PRKN: variants seen among roughly 807,000 people sequenced by gnomAD.
The protein encoded by PRKN is E3 ubiquitin-protein ligase parkin.
A neutral mutation model predicts 59.5 loss-of-function variants in PRKN; 56 were observed. The ratio of observed to expected loss-of-function variants is 0.94; its 90% CI spans 0.76 to 1.18. The LOEUF is 1.18. Ranked by LOEUF, PRKN falls within the 50% of genes most tolerant of loss-of-function variation. The pLI is 0.00. For missense variants in PRKN, 657 were observed against 596.4 expected (o/e 1.10, Z -1.06); for synonymous variants, 250 against 222.1 (o/e 1.13, Z -1.12).
At chr6:161,891,355 A>C (rs1040054125) in intron 6 of PRKN, among the ~76,000 whole-genome samples, 8 of 152,130 alleles carry the variant, frequency 5.3e-5, no homozygotes, top group Non-Finnish European at 1.2e-4. Flanking sequence ...TTTTTAATCT[A>C]AAAAGCACTT....
At chr6:161,435,324 T>G (rs986874800) in intron 9 of PRKN, among the ~76,000 whole-genome samples, 9 of 152,186 alleles carry the variant, frequency 5.9e-5, no homozygotes, top group African/African-American at 1.9e-4. Flanking sequence ...TGTACTCTAT[T>G]TTTATCAAGC....
At chr6:162,019,557 A>ATTAATG (rs1783055883) in intron 5 of PRKN, among the ~76,000 whole-genome samples, 1 of 152,130 alleles carries the variant, frequency 6.6e-6, no homozygotes. Context: ...GCTGATGTGT[A>ATTAATG]ATTAATCTGC....
chr6:162,286,313 C>T (rs1402315462), intron 2 of PRKN, among the ~76,000 whole-genome samples: 1 of 151,970 alleles, frequency 6.6e-6, no homozygotes, highest in East Asian at 1.9e-4. Context: ...TTTGTTTTTC[C>T]TAAATCTTTA....
chr6:162,562,035 C>G (rs1779865718), intron 1 of PRKN, among the ~76,000 whole-genome samples: 1 of 152,114 alleles, frequency 6.6e-6, no homozygotes, highest in East Asian at 1.9e-4. Context: ...AGAAAAGACC[C>G]CTTCCTTCCA....
intron 7 of PRKN, among the ~76,000 whole-genome samples, chr6:161,631,771 A>C (rs1783320119): frequency 1.5e-5 from 1 of 64,836 alleles, no homozygotes; most frequent in African/African-American, 9.3e-5. Flanking sequence ...ACACCCAGAC[A>C]AACACACACA....
At position 161,636,393 on chromosome 6, in the gene PRKN, G is replaced by A. The variant is rs368572809; in HGVS notation, c.872-66977C>T. 8.2e-4 allele frequency among the ~76,000 whole-genome samples: 125 copies of A among 152,338 alleles called. 1 individual carries two copies. In the South Asian group the frequency reaches 0.024, roughly 29 times the overall value. On this transcript the variant is annotated intron_variant, in intron 7 of 11. Transcript: ENST00000366898. ...CTCTCGCAAGGGGGCTGTCCATTCC[G>A]GAGACACTGGGCCGGACCTCTGTGG... is the stretch of plus-strand genomic sequence containing the variant.
In PRKN at chr6:161,530,817, C is replaced by A. The variant is rs189331257; in HGVS notation, c.1083+18037G>T. Reference sequence around the variant, plus strand: ...ACAGGCGTGAGCCACCACACCTGGCCCAAGGCTTGCTTCTTTTAAGAGAAA... The same window carrying A: ...ACAGGCGTGAGCCACCACACCTGGCACAAGGCTTGCTTCTTTTAAGAGAAA... On this transcript the variant is annotated intron_variant, in intron 9 of 11. Transcript: ENST00000366898. This position sits in a 1 kb window ranked among gnomAD's most constrained non-coding sequence, Gnocchi z 5.0. Among the ~76,000 whole-genome samples the A allele has an allele frequency of 2.2e-4, 33 of 152,172 alleles. No individual in the cohort carries two copies. Among genetic ancestry groups the A allele is most frequent in the African/African-American group, 7.0e-4 (29 of 41,542 alleles).
At chr6:161,625,064 C>G (rs1052396172) in intron 7 of PRKN, among the ~76,000 whole-genome samples, 9 of 152,104 alleles carry the variant, frequency 5.9e-5, no homozygotes, top group Non-Finnish European at 1.3e-4. Flanking sequence ...AAGTCCTATG[C>G]CCTTTTTAAA....
At chr6:162,383,565 C>A (rs1375859269) in intron 2 of PRKN, among the ~76,000 whole-genome samples, 1 of 152,074 alleles carries the variant, frequency 6.6e-6, no homozygotes, top group African/African-American at 2.4e-5. Context: ...AAAGCAAGGT[C>A]AGAGTAGATT....
At chr6:161,815,233 G>A (rs1791725850) in intron 6 of PRKN, among the ~76,000 whole-genome samples, 1 of 152,172 alleles carries the variant, frequency 6.6e-6, no homozygotes, top group Admixed American at 6.5e-5. Flanking sequence ...ATTTTCATAT[G>A]TATAAAATGA....
At position 161,399,978 on chromosome 6, in the gene PRKN, T is replaced by G. The variant is rs1562421550; in HGVS notation, c.1084-13101A>C. Among the ~76,000 whole-genome samples the G allele has an allele frequency of 6.6e-6, 1 of 152,202 alleles. No homozygotes were observed. Among genetic ancestry groups the G allele is most frequent in the Non-Finnish European group, 1.5e-5 (1 of 68,042 alleles). On this transcript the variant is annotated intron_variant, in intron 9 of 11. Transcript: ENST00000366898. This position sits in a 1 kb window ranked among gnomAD's most constrained non-coding sequence, Gnocchi z 4.4. ...CGATATAAAAATTGGTAATGAGTTATTTTATATTCATTTTTACTAAGCTTT... is the reference window on the plus strand; with the variant it reads ...CGATATAAAAATTGGTAATGAGTTAGTTTATATTCATTTTTACTAAGCTTT...
At chr6:161,648,048 G>C (rs1480734658) in intron 7 of PRKN, among the ~76,000 whole-genome samples, 1 of 152,186 alleles carries the variant, frequency 6.6e-6, no homozygotes, top group Non-Finnish European at 1.5e-5. Context: ...TGCACAGAAT[G>C]GGTAGAAATG....
At chr6:161,621,904 T>C (rs77323214) in intron 7 of PRKN, among the ~76,000 whole-genome samples, 4,626 of 152,228 alleles carry the variant, frequency 0.03, 89 homozygotes, top group Non-Finnish European at 0.036. Context: ...TCACATTCCA[T>C]TGTAGAAAAA....
At chr6:162,308,007 C>T (rs1426698404) in intron 2 of PRKN, among the ~76,000 whole-genome samples, 1 of 152,180 alleles carries the variant, frequency 6.6e-6, no homozygotes, top group Non-Finnish European at 1.5e-5. Flanking sequence ...TCTTTGCAAA[C>T]TCCCCTCTCC....
intron 7 of PRKN, among the ~76,000 whole-genome samples, chr6:161,671,042 G>GT (rs371369229): frequency 2.0e-5 from 3 of 152,022 alleles, no homozygotes; most frequent in East Asian, 1.9e-4. Context: ...CTTCATGTTT[G>GT]TTTTTTTCCC....
At chr6:161,370,394 C>T (rs1168447614) in intron 10 of PRKN, among the ~76,000 whole-genome samples, 2 of 144,898 alleles carry the variant, frequency 1.4e-5, no homozygotes, top group Non-Finnish European at 3.0e-5. Context: ...TCCTGGCTAA[C>T]ACGATGAAAC....
intron 1 of PRKN, among the ~76,000 whole-genome samples, chr6:162,473,976 G>A (rs565950318): frequency 6.6e-6 from 1 of 152,236 alleles, no homozygotes; most frequent in Non-Finnish European, 1.5e-5. Context: ...GCTTTCCGGT[G>A]CAACATCCAT....
intron 6 of PRKN, among the ~76,000 whole-genome samples, chr6:161,898,969 C>T (rs941087183): frequency 4.6e-5 from 7 of 152,214 alleles, no homozygotes; most frequent in Non-Finnish European, 1.0e-4. Flanking sequence ...GGCAAATCAT[C>T]GGTTGAAGTC....
intron 2 of PRKN, among the ~76,000 whole-genome samples, chr6:162,430,595 A>G (rs868226995): frequency 1.3e-5 from 2 of 151,962 alleles, no homozygotes; most frequent in South Asian, 4.2e-4. Flanking sequence ...ATATATATAT[A>G]TATATCTTGT....
Sources: allele counts gnomAD v4.1 joint callset (sites outside exome capture counted in the v4.1 genomes callset), GRCh38; gene constraint gnomAD v4.1.1; non-coding constraint Gnocchi (gnomAD v3.1); transcripts MANE v1.5; gene names NCBI Gene and HGNC (gene_info 2026-07-23, HGNC 2026-07-21).